The following TENM1 variants were observed in gnomAD, a reference collection of about 807,000 sequenced individuals.
TENM1 encodes teneurin transmembrane protein 1.
Under a neutral mutation model 174.8 loss-of-function variants are expected in TENM1, and 35 were observed. The observed-to-expected ratio is 0.20, with a 90% CI of 0.15 to 0.27. The LOEUF (loss-of-function observed/expected upper bound fraction) is 0.27, where lower values mean the gene tolerates loss of function less well. Ranked by LOEUF, TENM1 falls within the 10% of genes least tolerant of loss-of-function variation. TENM1 has a pLI of 1.00. For missense variants in TENM1, 1,633 were observed against 2,130.1 expected (o/e 0.77, Z 4.59); for synonymous variants, 781 against 798.7 (o/e 0.98, Z 0.37).
At chrX:124,384,301 G>T (rs1353048228) in exon 30 of TENM1, 1 of 1,204,175 alleles carries the variant, frequency 8.3e-7, no homozygotes, top group Non-Finnish European at 1.1e-6. Context: ...CTCCTAATCT[G>T]GTGATGCGGT....
chrX:125,174,091 A>G, the TENM1 span, among the ~76,000 whole-genome samples: 2 of 111,433 alleles, frequency 1.8e-5, no homozygotes, highest in Non-Finnish European at 3.8e-5. Context: ...GAATGATGGT[A>G]TCATCAACAG....
At position 124,417,590 on chromosome X, in the gene TENM1, A is replaced by T. The variant is rs2060608623; in HGVS notation, c.4982+2721T>A. 2.7e-5 allele frequency among the ~76,000 whole-genome samples: 3 copies of T among 111,025 alleles called. No homozygotes were observed. In the Admixed American group the frequency reaches 2.9e-4, roughly 11 times the overall value. ...TTCTTCATTGTCTACACTCACTTTC[A>T]TGGAGAGATCTCATCCCATCTCATG... On this transcript the variant is annotated intron_variant, in intron 25 of 31. Transcript: ENST00000422452.
At chrX:125,142,118 G>C in the TENM1 span, among the ~76,000 whole-genome samples, 1 of 111,960 alleles carries the variant, frequency 8.9e-6, no homozygotes, top group Non-Finnish European at 1.9e-5. Flanking sequence ...CAAATAAGAG[G>C]CTGGGCTATG....
chrX:124,844,879 G>A (rs1202277549), intron 3 of TENM1, among the ~76,000 whole-genome samples: 1 of 110,837 alleles, frequency 9.0e-6, no homozygotes, highest in East Asian at 2.9e-4. Context: ...TCAAAATGAG[G>A]TCCATGGACC....
At chrX:124,883,953 CT>C (rs1159490391) in intron 3 of TENM1, among the ~76,000 whole-genome samples, 2 of 111,186 alleles carry the variant, frequency 1.8e-5, no homozygotes, top group Admixed American at 9.5e-5. Flanking sequence ...CATGCAGGTG[CT>C]GACTGTGGTC....
At chrX:124,780,214 T>C (rs930095237) in intron 3 of TENM1, among the ~76,000 whole-genome samples, 1 of 112,323 alleles carries the variant, frequency 8.9e-6, no homozygotes, top group Non-Finnish European at 1.9e-5. Context: ...TCTCAACTTA[T>C]TATCTTATTC....
chrX:125,069,670 T>C, the TENM1 span, among the ~76,000 whole-genome samples: 1 of 110,886 alleles, frequency 9.0e-6, no homozygotes, highest in Admixed American at 9.6e-5. Flanking sequence ...AAAACCTAGA[T>C]GATGGGTTGA....
chrX:124,674,594 T>A (rs900930174), intron 5 of TENM1, among the ~76,000 whole-genome samples: 2 of 111,550 alleles, frequency 1.8e-5, no homozygotes, highest in African/African-American at 6.5e-5. Flanking sequence ...TGCTGCCTGA[T>A]GAATTTCTCT....
At chrX:124,894,532 G>T (rs750256281) in intron 2 of TENM1, among the ~76,000 whole-genome samples, 180 bp from the exon 6 acceptor site, 19 of 111,457 alleles carry the variant, frequency 1.7e-4, no homozygotes, top group African/African-American at 5.5e-4. Context: ...TAGTATTTTT[G>T]CAGAGTTGCA....
chrX:125,058,895 T>A, the TENM1 span, among the ~76,000 whole-genome samples: 366 of 110,584 alleles, frequency 3.3e-3, no homozygotes, highest in African/African-American at 0.011. Context: ...TCACATGCCA[T>A]CCATTTAAAG....
chrX:124,505,322 C>T (rs2239473), intron 18 of TENM1, among the ~76,000 whole-genome samples: 27,635 of 110,916 alleles, frequency 0.25, 3,044 homozygotes, highest in African/African-American at 0.42. Flanking sequence ...CAGAGGCCAA[C>T]GGACTGGGGG....
intron 27 of TENM1, among the ~76,000 whole-genome samples, chrX:124,397,967 G>A (rs959688026): frequency 2.8e-5 from 3 of 108,995 alleles, no homozygotes; most frequent in African/African-American, 6.7e-5. Context: ...GGTGGCTCAC[G>A]TCTGTAATCC....
chrX:124,503,762 T>C, intron 18 of TENM1, 59 bp from the exon 22 acceptor site: 2 of 1,035,738 alleles, frequency 1.9e-6, no homozygotes, highest in African/African-American at 1.9e-5. Flanking sequence ...TTCATGTTTA[T>C]ACTAGTTGAT....
chrX:124,543,060 C>A (rs767742924), intron 15 of TENM1, among the ~76,000 whole-genome samples: 1 of 112,005 alleles, frequency 8.9e-6, no homozygotes, highest in South Asian at 3.8e-4. Context: ...AACTCAAATG[C>A]CAGCAAGGCC....
the TENM1 span, among the ~76,000 whole-genome samples, chrX:125,066,175 A>G: frequency 8.9e-6 from 1 of 111,918 alleles, no homozygotes; most frequent in Non-Finnish European, 1.9e-5. Flanking sequence ...CTGGTAACTA[A>G]GAGTGGGAGC....
the TENM1 span, among the ~76,000 whole-genome samples, chrX:125,052,893 C>T: frequency 9.9e-5 from 11 of 111,498 alleles, no homozygotes; most frequent in East Asian, 2.0e-3. Flanking sequence ...ATTTTTTCTT[C>T]GTTTGATTGA....
chrX:124,598,898 AAG>A (rs889423651), intron 11 of TENM1, among the ~76,000 whole-genome samples: 7 of 111,856 alleles, frequency 6.3e-5, no homozygotes, highest in African/African-American at 2.3e-4. Context: ...AAATAGCTAA[AAG>A]AGTATAATTG....
intron 3 of TENM1, among the ~76,000 whole-genome samples, chrX:124,779,862 G>A (rs2054868005): frequency 8.9e-6 from 1 of 111,859 alleles, no homozygotes; most frequent in Admixed American, 9.5e-5. Flanking sequence ...AGAAAGCAAG[G>A]CTCAGAACAT....
At chrX:124,864,471 T>G (rs987891723) in intron 3 of TENM1, among the ~76,000 whole-genome samples, 7 of 111,911 alleles carry the variant, frequency 6.3e-5, no homozygotes, top group South Asian at 3.7e-4. Context: ...GAAGAATGTA[T>G]CAGAATCTAA....
Sources: gnomAD v4.1 joint callset for allele counts (sites outside exome capture counted in the v4.1 genomes callset) on GRCh38, gnomAD v4.1.1 for gene constraint, MANE v1.5 for transcripts, NCBI Gene and HGNC (gene_info 2026-07-23, HGNC 2026-07-21) for gene names.